Variants in CCDC14 observed in about 807,000 individuals in gnomAD.
CCDC14 encodes the protein coiled-coil domain containing 14.
In CCDC14, 71 loss-of-function variants were observed where a neutral mutation model predicts 81.4. The ratio of observed to expected loss-of-function variants is 0.87; its 90% CI spans 0.72 to 1.06. CCDC14 has a LOEUF of 1.06. Ranked by LOEUF, CCDC14 falls within the 50% of genes least tolerant of loss-of-function variation. The probability of loss-of-function intolerance (pLI) is 0.00; values close to 1 mark genes in which losing one functional copy is unlikely to be tolerated. For missense variants in CCDC14, 1,046 were observed against 1,047.3 expected, an observed-to-expected ratio of 1.00 and a Z score of 0.02; for synonymous variants, 332 against 364.8, an observed-to-expected ratio of 0.91 and a Z score of 1.03.
At chr3:123,916,243 C>T (rs2034680310) in intron 12 of CCDC14, among the ~76,000 whole-genome samples, 1 of 152,020 alleles carries the variant, frequency 6.6e-6, no homozygotes, top group African/African-American at 2.4e-5. Context: ...AAGTGATCTG[C>T]CCGCCTCAGC....
At chr3:123,935,858 T>G (rs908503507) in intron 9 of CCDC14, among the ~76,000 whole-genome samples, 1 of 152,166 alleles carries the variant, frequency 6.6e-6, no homozygotes, top group Admixed American at 6.5e-5. Flanking sequence ...AATTGTATAC[T>G]TTCCTTTTTT....
At chr3:123,906,486 G>A (rs2034314827) in intron 5 of CCDC14, among the ~76,000 whole-genome samples, 1 of 150,552 alleles carries the variant, frequency 6.6e-6, no homozygotes, top group Admixed American at 6.6e-5. Context: ...AATCATAGGA[G>A]AGAGAAAAAG....
At chr3:123,888,620 CTCAGGAAACTTACAATCATAG>C in the CCDC14 span, among the ~76,000 whole-genome samples, 2 of 152,194 alleles carry the variant, frequency 1.3e-5, no homozygotes, top group Non-Finnish European at 2.9e-5. Context: ...ACTAGGGAGC[CTCAGGAAACTTACAATCATAG>C]CAGAAGGTGA....
At chr3:123,912,228 C>T (rs2034464826), downstream of CCDC14, among the ~76,000 whole-genome samples, 1 of 152,164 alleles carries the variant, frequency 6.6e-6, no homozygotes, top group African/African-American at 2.4e-5. Context: ...ATACTCTGGA[C>T]ATCTACTAAT....
chr3:123,899,762 C>T (rs1327806948), intron 5 of CCDC14, among the ~76,000 whole-genome samples: 1 of 152,234 alleles, frequency 6.6e-6, no homozygotes, highest in Non-Finnish European at 1.5e-5. Context: ...TTAACGAAGT[C>T]TCCTCTGTAA....
At chr3:123,930,146 G>A (rs1369782501) in intron 12 of CCDC14, among the ~76,000 whole-genome samples, 1 of 152,086 alleles carries the variant, frequency 6.6e-6, no homozygotes, top group South Asian at 2.1e-4. Context: ...AAATATAAAT[G>A]TGGAAAAAGG....
At chr3:123,955,458 G>GATATATATATAT (rs142461577) in intron 5 of CCDC14, 1 of 149,756 alleles carries the variant, frequency 6.7e-6, no homozygotes, top group African/African-American at 2.5e-5. Flanking sequence ...ACCAACTTAG[G>GATATATATATAT]ATATATATAT....
In CCDC14 at chr3:123,915,429, T is replaced by C; in HGVS notation, c.2068A>G (p.Thr690Ala). The change falls in exon 13 of 13, where the codon ACT becomes GCT. Residue 690 changes from threonine to alanine, a missense_variant. Coordinates refer to ENST00000409697, the MANE Select transcript of CCDC14 (RefSeq NM_001366335.1). Reference protein sequence around the residue: ...LSSRGPQNSNTRGMEEASAPG... With the variant: ...LSSRGPQNSNARGMEEASAPG... ...GCAGATGCTTCCTCCATGCCCCTAG[T>C]GTTACTATTTTGAGGGCCTCTGGAG... 1.9e-6 allele frequency: 3 copies of C among 1,613,990 alleles called. No homozygotes were observed. Among genetic ancestry groups the C allele is most frequent in the Non-Finnish European group, 2.5e-6 (3 of 1,179,886 alleles).
At chr3:123,921,098 C>T (rs1039793453) in intron 12 of CCDC14, among the ~76,000 whole-genome samples, 4 of 151,960 alleles carry the variant, frequency 2.6e-5, no homozygotes, top group African/African-American at 9.7e-5. Context: ...TACAGAAAAC[C>T]ATCAAACCAC....
intron 5 of CCDC14, among the ~76,000 whole-genome samples, chr3:123,951,865 T>C (rs911296139): frequency 1.3e-5 from 2 of 152,198 alleles, no homozygotes; most frequent in Non-Finnish European, 2.9e-5. Context: ...TGCTCCTTTA[T>C]AAACTCAGTC....
intron 9 of CCDC14, among the ~76,000 whole-genome samples, chr3:123,933,979 C>G (rs949565391): frequency 6.6e-6 from 1 of 152,004 alleles, no homozygotes; most frequent in African/African-American, 2.4e-5. Flanking sequence ...CAACATAAAA[C>G]CTCCCCTCAT....
At chr3:123,937,031 T>C (rs2036094449) in intron 9 of CCDC14, among the ~76,000 whole-genome samples, 1 of 152,102 alleles carries the variant, frequency 6.6e-6, no homozygotes, top group Non-Finnish European at 1.5e-5. Flanking sequence ...ATCCATGCTG[T>C]TGCATGTATC....
downstream of CCDC14, among the ~76,000 whole-genome samples, chr3:123,912,183 T>C (rs1363401632): frequency 6.6e-6 from 1 of 152,178 alleles, no homozygotes; most frequent in Non-Finnish European, 1.5e-5. Flanking sequence ...AATACTTATC[T>C]GGAGACACGA....
rs372747790 is a variant in CCDC14, at chr3:123,924,156, A to G, written c.1778+6946T>C. Among the ~76,000 whole-genome samples the G allele has an allele frequency of 4.0e-4, 61 of 152,218 alleles. No homozygotes were observed. In the South Asian group the frequency reaches 0.011, roughly 28 times the overall value. ...AAATCCATGTATTTATGGCCAATTG[A>G]TTTTTCACAAAGGTGACAAGAAAAC... On this transcript the variant is annotated intron_variant, in intron 12 of 12. Transcript: ENST00000409697.
chr3:123,957,018 G>A (rs1207711591), intron 1 of CCDC14: 4 of 332,020 alleles, frequency 1.2e-5, no homozygotes, highest in African/African-American at 8.7e-5. Context: ...TTATATAACT[G>A]AAATAATACA....
intron 9 of CCDC14, among the ~76,000 whole-genome samples, chr3:123,939,114 A>T (rs2036210685): frequency 6.6e-6 from 1 of 151,696 alleles, no homozygotes; most frequent in Non-Finnish European, 1.5e-5. Flanking sequence ...AAACTTCCTA[A>T]GTTCTTGCAC....
At position 123,946,981 on chromosome 3, in the gene CCDC14, T is replaced by A; in HGVS notation, c.1023A>T (p.Lys341Asn). Residue 341 changes from lysine (K) to asparagine (N), a missense_variant, in exon 8 of 13, where the codon AAA becomes AAT. Lys to Asn is a moderately conservative substitution (Grantham distance 94, BLOSUM62 0). Transcript: ENST00000409697. ...QPAFLATNEE[K>N]CAREQIREAT... ...CCTCTCTAATTTGCTCTCTGGCACA[T>A]TTTTCTTCATTAGTGGCCAAGAAAG... 1 of 1,613,990 alleles carries A rather than the reference T, an allele frequency of 6.2e-7. No individual in the cohort carries two copies. The highest frequency in any genetic ancestry group is 8.5e-7 in the Non-Finnish European group (1 of 1,179,854).
At chr3:123,928,085 A>G (rs1443348541) in intron 12 of CCDC14, among the ~76,000 whole-genome samples, 1 of 152,142 alleles carries the variant, frequency 6.6e-6, no homozygotes, top group Non-Finnish European at 1.5e-5. Context: ...ACTAATTTCT[A>G]GAAAAGTTAT....
the CCDC14 span, among the ~76,000 whole-genome samples, chr3:123,886,723 T>C: frequency 3.9e-5 from 6 of 152,188 alleles, no homozygotes; most frequent in African/African-American, 1.4e-4. Context: ...TTGTTGAAAT[T>C]TTAAGATAAC....
Sources: allele counts gnomAD v4.1 joint callset (sites outside exome capture counted in the v4.1 genomes callset), GRCh38; gene constraint gnomAD v4.1.1; transcripts MANE v1.5; gene names NCBI Gene and HGNC (gene_info 2026-07-23, HGNC 2026-07-21).